Variants in MYL12B observed in about 807,000 individuals in gnomAD.
MYL12B encodes myosin regulatory light chain 12B.
In MYL12B, 3 loss-of-function variants were observed where a neutral mutation model predicts 12.9. That is an observed-to-expected ratio of 0.23 (90% CI 0.11 to 0.60). MYL12B has a LOEUF of 0.60. MYL12B is among the 20% of genes least tolerant of loss of function. The probability of loss-of-function intolerance (pLI) is 0.89; values close to 1 mark genes in which losing one functional copy is unlikely to be tolerated. For synonymous variants in MYL12B, 57 were observed against 71.9 expected (o/e 0.79, Z 1.05); for missense variants, 120 against 215.4 (o/e 0.56, Z 2.77).
At chr18:3,267,796 G>T (rs1270258056) in intron 1 of MYL12B, among the ~76,000 whole-genome samples, 2 of 152,146 alleles carry the variant, frequency 1.3e-5, no homozygotes, top group Admixed American at 6.5e-5. Flanking sequence ...TCATTCATCT[G>T]TATCTGCAGA....
In MYL12B at chr18:3,277,264, A is replaced by C. The variant is rs2081740495; in HGVS notation, c.196A>C (p.Thr66Pro). The change falls in exon 3 of 4, where the codon ACT becomes CCT. Residue 66 changes from threonine to proline, a missense_variant. Physicochemically the swap from Thr to Pro is conservative, Grantham distance 38. Coordinates refer to ENST00000237500, the MANE Select transcript of MYL12B (RefSeq NM_033546.4). ...DMLASLGKNP[T>P]DAYLDAMMNE... ...GTGTATTCTTACAGGGAAGAATCCC[A>C]CTGATGCATACCTTGATGCCATGAT... 6.3e-7 allele frequency: 1 copy of C among 1,597,038 alleles called. No individual in the cohort carries two copies. Among genetic ancestry groups the C allele is most frequent in the Non-Finnish European group, 8.5e-7 (1 of 1,172,834 alleles).
intron 1 of MYL12B, chr18:3,262,941 A>G (rs2081605668): frequency 6.6e-6 from 1 of 152,292 alleles, no homozygotes; most frequent in Admixed American, 6.5e-5. Flanking sequence ...TTACTTGGAA[A>G]AGAGTCGTGA....
At chr18:3,263,360 T>C (rs1320638646) in intron 1 of MYL12B, among the ~76,000 whole-genome samples, 4 of 152,216 alleles carry the variant, frequency 2.6e-5, no homozygotes, top group East Asian at 3.9e-4. Flanking sequence ...ATAGATTACC[T>C]TGTGAAGGCT....
chr18:3,275,879 G>A (rs1598810327), intron 2 of MYL12B, among the ~76,000 whole-genome samples: 2 of 152,008 alleles, frequency 1.3e-5, no homozygotes, highest in South Asian at 4.1e-4. Flanking sequence ...TTTAATTTTG[G>A]GCTAATTTTG....
At chr18:3,267,053 G>C (rs887847901) in intron 1 of MYL12B, among the ~76,000 whole-genome samples, 6 of 152,178 alleles carry the variant, frequency 3.9e-5, no homozygotes, top group Non-Finnish European at 8.8e-5. Context: ...GATCTAAGTG[G>C]TTAACTTAAT....
In MYL12B at chr18:3,272,861, TTTGTG is replaced by T; in HGVS notation, c.-15-20_-15-16del. 1 of 1,528,032 alleles carries T rather than the reference TTTGTG, an allele frequency of 6.5e-7. No homozygotes were observed. The highest frequency in any genetic ancestry group is 8.8e-7 in the Non-Finnish European group (1 of 1,133,782). 94.7% of individuals were successfully genotyped at this position (1,528,032 alleles called of 1,614,324 possible). A position where few individuals can be genotyped will look rare whatever the true frequency, so the allele number is the denominator to read the frequency against. ...TTTATACATTGTTTTGTTTTACGTT[TTTGTG>T]TTTTTTTTTTAATCCAGAATTAAAC... On this transcript the variant is annotated intron_variant, in intron 1 of 3. Coordinates refer to ENST00000237500, the MANE Select transcript of MYL12B (RefSeq NM_033546.4).
At chr18:3,262,557 C>T (rs1042725717) in intron 1 of MYL12B, 1 of 152,292 alleles carries the variant, frequency 6.6e-6, no homozygotes, top group Non-Finnish European at 1.5e-5. Flanking sequence ...CCTGCGCCAC[C>T]TGGGTGACCT....
At chr18:3,273,412 G>C (rs2081699280) in intron 2 of MYL12B, among the ~76,000 whole-genome samples, 1 of 152,128 alleles carries the variant, frequency 6.6e-6, no homozygotes, top group Non-Finnish European at 1.5e-5. Context: ...ACTTAATAAA[G>C]GTTGAGTACA....
At chr18:3,276,987 G>A (rs576093762) in intron 2 of MYL12B, 256 of 975,464 alleles carry the variant, frequency 2.6e-4, no homozygotes, top group Non-Finnish European at 3.0e-4. Context: ...TTTTTGTTTT[G>A]TTTTTAATGA....
At chr18:3,275,418 C>T (rs2081721320) in intron 2 of MYL12B, among the ~76,000 whole-genome samples, 1 of 151,830 alleles carries the variant, frequency 6.6e-6, no homozygotes, top group African/African-American at 2.4e-5. Flanking sequence ...CTGCAGTCAG[C>T]AGTAATTTGT....
At chr18:3,272,205 A>C (rs1416188782) in intron 1 of MYL12B, 9 of 815,812 alleles carry the variant, frequency 1.1e-5, no homozygotes, top group Non-Finnish European at 1.2e-5. Flanking sequence ...ATGTTATCTC[A>C]ATTAGTTCTT....
intron 1 of MYL12B, among the ~76,000 whole-genome samples, chr18:3,271,208 C>G (rs2144359537): frequency 6.6e-6 from 1 of 152,324 alleles, no homozygotes; most frequent in South Asian, 2.1e-4. Flanking sequence ...AGACTACATT[C>G]TGTCTCTGAT....
intron 1 of MYL12B, among the ~76,000 whole-genome samples, chr18:3,268,701 A>G (rs9947947): frequency 0.11 from 16,271 of 152,270 alleles, 932 homozygotes; most frequent in Non-Finnish European, 0.13. Flanking sequence ...GCAAGTTTTA[A>G]AAAATTTTGT....
intron 1 of MYL12B, among the ~76,000 whole-genome samples, chr18:3,266,227 T>C (rs1275516165): frequency 1.3e-5 from 2 of 152,138 alleles, no homozygotes; most frequent in African/African-American, 2.4e-5. Flanking sequence ...GCCTCCAAGA[T>C]GGCTGACGCA....
rs534535621 is a variant in MYL12B, at chr18:3,265,394, A to G, written c.-16+3157A>G. On this transcript the variant is annotated intron_variant, in intron 1 of 3. Transcript: ENST00000237500. ...TAATAACCATAAGAATCCATGAGAA[A>G]TTTCTAAAGATTCTGATAGACCTTG... Among the ~76,000 whole-genome samples, 28 of 152,294 alleles carry G rather than the reference A, an allele frequency of 1.8e-4. 1 individual carries two copies. In the South Asian group the frequency reaches 5.6e-3, roughly 30 times the overall value.
intron 2 of MYL12B, chr18:3,276,343 C>A: frequency 1.3e-6 from 1 of 760,130 alleles, no homozygotes; most frequent in Non-Finnish European, 1.6e-6. Flanking sequence ...GCTTTTCCCA[C>A]ACCACGGGGC....
intron 1 of MYL12B, among the ~76,000 whole-genome samples, chr18:3,270,938 T>C (rs1400953000): frequency 6.6e-6 from 1 of 152,156 alleles, no homozygotes; most frequent in Admixed American, 6.5e-5. Context: ...TCCCAAAGTG[T>C]TGAGATTATA....
intron 1 of MYL12B, among the ~76,000 whole-genome samples, chr18:3,266,731 A>G (rs2081637908): frequency 1.3e-5 from 2 of 152,188 alleles, no homozygotes; most frequent in South Asian, 2.1e-4. Context: ...TAAAATGTTC[A>G]GTTTTTTTTA....
chr18:3,276,630 T>A, intron 2 of MYL12B: 1 of 892,966 alleles, frequency 1.1e-6, no homozygotes, highest in Admixed American at 6.2e-5. Context: ...AATACAACTT[T>A]GAAGCATATC....
Sources: gnomAD v4.1 joint callset for allele counts (sites outside exome capture counted in the v4.1 genomes callset) on GRCh38, gnomAD v4.1.1 for gene constraint, MANE v1.5 for transcripts, NCBI Gene and HGNC (gene_info 2026-07-23, HGNC 2026-07-21) for gene names.